The following CFAP44 variants were observed in gnomAD, a reference collection of about 807,000 sequenced individuals.
CFAP44 encodes the protein cilia- and flagella-associated protein 44.
In CFAP44, 134 loss-of-function variants were observed where a neutral mutation model predicts 216.2. The observed-to-expected ratio is 0.62, with a 90% confidence interval of 0.54 to 0.72. CFAP44 has a LOEUF of 0.72. Ranked by LOEUF, CFAP44 falls within the 30% of genes least tolerant of loss-of-function variation. CFAP44 has a pLI of 0.00. For synonymous variants in CFAP44, 700 were observed against 727.6 expected (o/e 0.96, Z 0.61); for missense variants, 2,035 against 2,182.1 (o/e 0.93, Z 1.34).
chr3:113,343,719 G>C (rs138540115), intron 23 of CFAP44, among the ~76,000 whole-genome samples: 1 of 152,342 alleles, frequency 6.6e-6, no homozygotes. Flanking sequence ...AACAGTATGA[G>C]AAAGCACTAC....
intron 15 of CFAP44, among the ~76,000 whole-genome samples, chr3:113,392,421 G>A (rs756337159): frequency 6.6e-6 from 1 of 151,930 alleles, no homozygotes; most frequent in East Asian, 1.9e-4. Context: ...GGTGTGGCGG[G>A]GGGTGGGGTG....
intron 26 of CFAP44, among the ~76,000 whole-genome samples, chr3:113,328,666 A>G (rs1377240660): frequency 7.6e-6 from 1 of 131,320 alleles, no homozygotes; most frequent in South Asian, 2.8e-4. Flanking sequence ...GGTTTGGAGC[A>G]GTGAAACTAC....
intron 22 of CFAP44, among the ~76,000 whole-genome samples, chr3:113,352,573 G>A (rs1002476389): frequency 2.0e-5 from 3 of 152,136 alleles, no homozygotes; most frequent in Non-Finnish European, 4.4e-5. Flanking sequence ...TATGAACAAA[G>A]TTTAAGGCAA....
In CFAP44 at chr3:113,373,351, A is replaced by G. The variant is rs963338672; in HGVS notation, c.2444+60T>C. On this transcript the variant is annotated intron_variant, in intron 18 of 34. Coordinates refer to ENST00000393845, the MANE Select transcript of CFAP44 (RefSeq NM_001164496.2). Reference sequence around the variant, plus strand: ...TAAAAATTGACAATATCCATGATGAACAAAAGCATAGACACTAACAGGATA... The same window carrying G: ...TAAAAATTGACAATATCCATGATGAGCAAAAGCATAGACACTAACAGGATA... 26 of 1,350,754 alleles carry G rather than the reference A, an allele frequency of 1.9e-5. No individual in the cohort carries two copies. In the African/African-American group the frequency reaches 2.4e-4, roughly 12 times the overall value. The allele number at this position is 1,350,754 out of a possible 1,614,324, so 83.7% of individuals were successfully genotyped here. A position where few individuals can be genotyped will look rare whatever the true frequency, so the allele number is the denominator to read the frequency against.
intron 15 of CFAP44, among the ~76,000 whole-genome samples, chr3:113,385,780 T>C (rs1466379208): frequency 6.6e-6 from 1 of 151,074 alleles, no homozygotes; most frequent in Non-Finnish European, 1.5e-5. Context: ...GCTGGGACTA[T>C]AGGCATGCCA....
chr3:113,373,584 G>A lies in CFAP44; in HGVS notation c.2299-28C>T, dbSNP rs774771415. 2.7e-6 allele frequency: 4 copies of A among 1,509,274 alleles called. No individual in the cohort carries two copies. The Admixed American group carries it at 6.4e-5, about 24-fold the overall frequency. The allele number at this position is 1,509,274 out of a possible 1,614,324, so 93.5% of individuals were successfully genotyped here. A position where few individuals can be genotyped will look rare whatever the true frequency, so the allele number is the denominator to read the frequency against. On this transcript the variant is annotated intron_variant, in intron 17 of 34. Coordinates refer to ENST00000393845, the MANE Select transcript of CFAP44 (RefSeq NM_001164496.2). ...AGAAAAGAGATAAGTAACATAGAAGGTGGTACTTGAATATAACACACATAA... is the reference window on the plus strand; with the variant it reads ...AGAAAAGAGATAAGTAACATAGAAGATGGTACTTGAATATAACACACATAA...
chr3:113,412,116 C>T (rs985032961), intron 6 of CFAP44, among the ~76,000 whole-genome samples: 3 of 152,138 alleles, frequency 2.0e-5, no homozygotes, highest in East Asian at 1.9e-4. Flanking sequence ...GACAGGGATG[C>T]CCTCTCTCAC....
Position 113,341,825 on chromosome 3 carries a change from A to G in CFAP44, c.3356T>C (p.Ile1119Thr), listed in dbSNP as rs757125153. 21 of 1,530,478 alleles carry G rather than the reference A, an allele frequency of 1.4e-5. No homozygotes were observed. Among genetic ancestry groups the G allele is most frequent in the Non-Finnish European group, 1.8e-5 (21 of 1,145,442 alleles). 94.8% of individuals were successfully genotyped at this position (1,530,478 alleles called of 1,614,324 possible). Residue 1119 changes from isoleucine (I) to threonine (T), a missense_variant, in exon 24 of 35, where the codon ATT becomes ACT. Coordinates refer to ENST00000393845, the MANE Select transcript of CFAP44 (RefSeq NM_001164496.2). Reference protein sequence around the residue: ...TLSEIIVENQIEKTRKLILKA... With the variant: ...TLSEIIVENQTEKTRKLILKA... ...TAATATAAGTTTTCTCGTTTTCTCAATTTGATTTTCCACGATGATTTCACT... is the reference window on the plus strand; with the variant it reads ...TAATATAAGTTTTCTCGTTTTCTCAGTTTGATTTTCCACGATGATTTCACT...
chr3:113,327,750 T>C lies in CFAP44; in HGVS notation c.4186A>G (p.Thr1396Ala). The change falls in exon 27 of 35, where the codon ACT becomes GCT. Residue 1396 changes from threonine (T) to alanine (A), a missense_variant. Physicochemically the swap from Thr to Ala is moderately conservative, Grantham distance 58. This residue lies in a region of CFAP44 where 1,883 missense variants were observed against 2,023.7 expected (regional missense o/e 0.93). Transcript: ENST00000393845. ...TGCAGGTCAGATAATTTCATCTGAGTATCTAGTTTTAGTTTCTGATGTCTA... is the reference window on the plus strand; with the variant it reads ...TGCAGGTCAGATAATTTCATCTGAGCATCTAGTTTTAGTTTCTGATGTCTA... ...LLRHQKLKLD[T>A]QMKLSDLHHV... is the part of the protein sequence containing the mutation. The C allele has an allele frequency of 6.5e-7, 1 of 1,537,036 alleles. No homozygotes were observed. Among genetic ancestry groups the C allele is most frequent in the Non-Finnish European group, 8.7e-7 (1 of 1,146,728 alleles).
At chr3:113,375,189 G>C (rs1458287981) in intron 17 of CFAP44, among the ~76,000 whole-genome samples, 1 of 152,178 alleles carries the variant, frequency 6.6e-6, no homozygotes, top group Non-Finnish European at 1.5e-5. Flanking sequence ...GGAAGAATCA[G>C]GAGTTATCAT....
At chr3:113,395,033 T>C (rs1933951816) in intron 15 of CFAP44, among the ~76,000 whole-genome samples, 1 of 152,222 alleles carries the variant, frequency 6.6e-6, no homozygotes, top group Non-Finnish European at 1.5e-5. Flanking sequence ...AAAAAGCATT[T>C]TGTAGATAAT....
intron 15 of CFAP44, among the ~76,000 whole-genome samples, chr3:113,383,523 A>G (rs2107340205): frequency 6.6e-6 from 1 of 152,294 alleles, no homozygotes; most frequent in South Asian, 2.1e-4. Context: ...TGTCAGGAGG[A>G]GCATAAACAT....
intron 18 of CFAP44, among the ~76,000 whole-genome samples, chr3:113,367,149 G>C (rs921603174): frequency 1.3e-5 from 2 of 152,216 alleles, no homozygotes; most frequent in Non-Finnish European, 2.9e-5. Context: ...CTGAACAAAA[G>C]GCAGCAGACA....
chr3:113,416,385 G>A, intron 6 of CFAP44, 140 bp downstream of exon 6: 1 of 683,156 alleles, frequency 1.5e-6, no homozygotes, highest in African/African-American at 1.8e-5. Flanking sequence ...ATTGTTGTGT[G>A]TGAATTTGAA....
At chr3:113,374,044 C>G (rs1314066220) in intron 17 of CFAP44, among the ~76,000 whole-genome samples, 1 of 152,032 alleles carries the variant, frequency 6.6e-6, no homozygotes, top group Non-Finnish European at 1.5e-5. Context: ...ACTCTAATTT[C>G]CTTATTACTG....
intron 18 of CFAP44, among the ~76,000 whole-genome samples, chr3:113,372,812 A>G (rs961983877): frequency 6.6e-6 from 1 of 152,168 alleles, no homozygotes; most frequent in Admixed American, 6.5e-5. Context: ...ATCATGCAAG[A>G]AGGCAAATAT....
chr3:113,410,085 C>CA (rs1456963882), intron 6 of CFAP44, among the ~76,000 whole-genome samples: 2 of 152,182 alleles, frequency 1.3e-5, no homozygotes, highest in Non-Finnish European at 2.9e-5. Context: ...CCAAGCAGCC[C>CA]AAGCCACTGC....
Position 113,401,228 on chromosome 3 carries a change from T to C in CFAP44, c.1374+12A>G, listed in dbSNP as rs1355957345. The C allele has an allele frequency of 2.5e-6, 4 of 1,579,058 alleles. No individual in the cohort carries two copies. The highest frequency in any genetic ancestry group is 3.4e-6 in the Non-Finnish European group (4 of 1,167,676). On this transcript the variant is annotated intron_variant, in intron 11 of 34. Coordinates refer to ENST00000393845, the MANE Select transcript of CFAP44 (RefSeq NM_001164496.2). ...GAAAGTTAGGAGAAAATAAGAATAA[T>C]AGGCAACTTACAATATTTGAAAAAC... is the stretch of plus-strand genomic sequence containing the variant.
Position 113,303,811 on chromosome 3 carries a change from T to C in CFAP44, c.5077+105A>G, listed in dbSNP as rs1949960653. 7 of 1,222,050 alleles carry C rather than the reference T, an allele frequency of 5.7e-6. No homozygotes were observed. In the East Asian group the frequency reaches 1.8e-4, roughly 31 times the overall value. The allele number at this position is 1,222,050 out of a possible 1,614,324, so 75.7% of individuals were successfully genotyped here. A position where few individuals can be genotyped will look rare whatever the true frequency, so the allele number is the denominator to read the frequency against. On this transcript the variant is annotated intron_variant, in intron 32 of 34. Coordinates refer to ENST00000393845, the MANE Select transcript of CFAP44 (RefSeq NM_001164496.2). ...GTGTTCTTGTTTCCCTTCTCAGTGGTTCTGAGTCTGCAATTACTATTTTCA... is the reference window on the plus strand; with the variant it reads ...GTGTTCTTGTTTCCCTTCTCAGTGGCTCTGAGTCTGCAATTACTATTTTCA...
Sources: gnomAD v4.1 joint callset for allele counts (sites outside exome capture counted in the v4.1 genomes callset) on GRCh38, gnomAD v4.1.1 for gene constraint, gnomAD v4.1.1 regional missense constraint, MANE v1.5 for transcripts, NCBI Gene and HGNC (gene_info 2026-07-23, HGNC 2026-07-21) for gene names.